ARL15: variants seen among roughly 807,000 people sequenced by gnomAD.
ARL15 encodes the protein ADP-ribosylation factor-like protein 15.
A neutral mutation model predicts 25.2 loss-of-function variants in ARL15; 19 were observed. That is an observed-to-expected ratio of 0.75 (90% CI 0.53 to 1.10). ARL15 has a LOEUF of 1.10. Among genes scored for constraint, ARL15 ranks in the 50% least tolerant of loss-of-function variants. The probability of loss-of-function intolerance (pLI) is 0.00; values close to 1 mark genes in which losing one functional copy is unlikely to be tolerated. For missense variants in ARL15, 220 were observed against 246.0 expected, an observed-to-expected ratio of 0.89 and a Z score of 0.71; for synonymous variants, 94 against 86.8, an observed-to-expected ratio of 1.08 and a Z score of -0.46.
At chr5:54,037,851 T>C (rs1750219998) in intron 4 of ARL15, among the ~76,000 whole-genome samples, 1 of 152,134 alleles carries the variant, frequency 6.6e-6, no homozygotes, top group African/African-American at 2.4e-5. Context: ...AACCTATCAT[T>C]TATTTCCACT....
chr5:54,178,124 T>A (rs1272130326), intron 1 of ARL15, among the ~76,000 whole-genome samples: 1 of 152,174 alleles, frequency 6.6e-6, no homozygotes, highest in Non-Finnish European at 1.5e-5. Flanking sequence ...GTCCTACAAA[T>A]ATGTGTTACT....
At chr5:54,171,757 G>A (rs1179828736) in intron 2 of ARL15, 27 bp downstream of exon 2, 3 of 1,581,916 alleles carry the variant, frequency 1.9e-6, no homozygotes, top group Non-Finnish European at 2.6e-6. Context: ...GAAAGAAGAA[G>A]GGACAGAACC....
intron 3 of ARL15, among the ~76,000 whole-genome samples, chr5:54,143,529 T>A (rs1753825938): frequency 6.6e-6 from 1 of 152,016 alleles, no homozygotes; most frequent in South Asian, 2.1e-4. Context: ...TTTTATGCTA[T>A]CCGTATTAGA....
At chr5:54,282,556 T>C (rs1352863310) in intron 1 of ARL15, 1 of 985,312 alleles carries the variant, frequency 1.0e-6, no homozygotes, top group East Asian at 1.1e-4. Context: ...GCAGATACTT[T>C]GTCCTCTAAT....
At chr5:54,301,116 G>C (rs1758605172) in intron 1 of ARL15, among the ~76,000 whole-genome samples, 1 of 152,154 alleles carries the variant, frequency 6.6e-6, no homozygotes, top group Admixed American at 6.5e-5. Context: ...ATCTAGGTTA[G>C]GTTGCCTTTC....
intron 4 of ARL15, among the ~76,000 whole-genome samples, chr5:53,979,539 C>T (rs1235643000): frequency 6.6e-6 from 1 of 152,022 alleles, no homozygotes; most frequent in Non-Finnish European, 1.5e-5. Flanking sequence ...GACCTTGTCT[C>T]AAAACAAAAC....
chr5:54,085,018 C>T (rs1366722763), intron 4 of ARL15, among the ~76,000 whole-genome samples: 2 of 152,122 alleles, frequency 1.3e-5, no homozygotes, highest in South Asian at 2.1e-4. Flanking sequence ...ATAAAAACAA[C>T]CGTGAAATTT....
intron 4 of ARL15, among the ~76,000 whole-genome samples, chr5:54,055,612 C>T (rs878985704): frequency 3.3e-5 from 5 of 152,108 alleles, no homozygotes; most frequent in Admixed American, 1.3e-4. Context: ...CCACCCGTCT[C>T]GGCCTCCCAA....
chr5:54,230,218 G>A (rs935441214), intron 1 of ARL15, among the ~76,000 whole-genome samples: 8 of 151,692 alleles, frequency 5.3e-5, no homozygotes, highest in Non-Finnish European at 1.2e-4. Flanking sequence ...ATGGTGGCAG[G>A]TGCCTGTAGT....
chr5:54,255,190 A>G (rs906600665), intron 1 of ARL15, among the ~76,000 whole-genome samples: 3 of 151,330 alleles, frequency 2.0e-5, no homozygotes, highest in Admixed American at 2.0e-4. Flanking sequence ...AGAATGTTCC[A>G]AACTCTACTC....
intron 4 of ARL15, among the ~76,000 whole-genome samples, chr5:53,989,142 A>G (rs1210758823): frequency 6.6e-6 from 1 of 152,216 alleles, no homozygotes; most frequent in African/African-American, 2.4e-5. Flanking sequence ...ACCACCCACC[A>G]GGCAAAGTAC....
chr5:54,225,515 G>A (rs1756495004), intron 1 of ARL15, among the ~76,000 whole-genome samples: 1 of 152,180 alleles, frequency 6.6e-6, no homozygotes, highest in African/African-American at 2.4e-5. Context: ...TGACTGGGTG[G>A]TGAAGAGTGA....
At chr5:54,019,210 T>A (rs570976346) in intron 4 of ARL15, among the ~76,000 whole-genome samples, 1 of 152,174 alleles carries the variant, frequency 6.6e-6, no homozygotes, top group South Asian at 2.1e-4. Context: ...GAGACGTACC[T>A]AAGTTTGTCA....
chr5:54,183,887 T>C (rs1328464810), intron 1 of ARL15, among the ~76,000 whole-genome samples: 2 of 150,704 alleles, frequency 1.3e-5, no homozygotes, highest in African/African-American at 4.9e-5. Context: ...TAAGAAAATA[T>C]GGCACATATA....
chr5:54,222,993 T>C (rs1325571243), intron 1 of ARL15, among the ~76,000 whole-genome samples: 1 of 150,372 alleles, frequency 6.7e-6, no homozygotes, highest in Non-Finnish European at 1.5e-5. Flanking sequence ...ATTTTTTTTT[T>C]TTTTTTTTTT....
chr5:54,012,824 CTTT>C (rs11296991), intron 4 of ARL15, among the ~76,000 whole-genome samples: 2 of 135,420 alleles, frequency 1.5e-5, no homozygotes, highest in Non-Finnish European at 3.2e-5. Flanking sequence ...ACGCTGGACT[CTTT>C]TTTTTTTTTT....
At chr5:54,051,673 T>C (rs1044213476) in intron 4 of ARL15, among the ~76,000 whole-genome samples, 3 of 152,162 alleles carry the variant, frequency 2.0e-5, no homozygotes, top group East Asian at 1.9e-4. Context: ...CACCAACAAC[T>C]GTTGGGTGCA....
At chr5:54,093,529 C>T (rs1752193222) in intron 4 of ARL15, among the ~76,000 whole-genome samples, 1 of 152,240 alleles carries the variant, frequency 6.6e-6, no homozygotes, top group Admixed American at 6.5e-5. Context: ...AGTGGATGTT[C>T]TGATTCTCAT....
At chr5:53,931,295 T>C (rs1052734937) in intron 4 of ARL15, among the ~76,000 whole-genome samples, 2 of 152,186 alleles carry the variant, frequency 1.3e-5, no homozygotes, top group African/African-American at 2.4e-5. Flanking sequence ...ACACCAATTA[T>C]TGTCTAAATG....
Sources: allele counts gnomAD v4.1 joint callset (sites outside exome capture counted in the v4.1 genomes callset), GRCh38; gene constraint gnomAD v4.1.1; transcripts MANE v1.5; gene names NCBI Gene and HGNC (gene_info 2026-07-23, HGNC 2026-07-21).